Variants in TRAF3IP1 observed in about 807,000 individuals in gnomAD.
TRAF3IP1 encodes the protein intraflagellar transport 54, also known as TRAF3-interacting protein 1.
TRAF3IP1 carries 53 observed loss-of-function variants against 89.9 expected under a neutral mutation model. The ratio of observed to expected loss-of-function variants is 0.59; its 90% CI spans 0.47 to 0.74. TRAF3IP1 has a LOEUF of 0.74. TRAF3IP1 is among the 30% of genes least tolerant of loss of function. The pLI, the probability that TRAF3IP1 is intolerant of heterozygous loss-of-function variation, is 0.00. For missense variants in TRAF3IP1, 806 were observed against 866.1 expected, an observed-to-expected ratio of 0.93 and a Z score of 0.87; for synonymous variants, 311 against 322.1, an observed-to-expected ratio of 0.97 and a Z score of 0.37.
chr2:238,381,389 G>A (rs1258511205), intron 15 of TRAF3IP1, among the ~76,000 whole-genome samples: 1 of 152,218 alleles, frequency 6.6e-6, no homozygotes, highest in Non-Finnish European at 1.5e-5. Flanking sequence ...CCCTTGGAGG[G>A]GGCCATAGGC....
chr2:238,395,092 A>T (rs1050658765), intron 15 of TRAF3IP1, among the ~76,000 whole-genome samples: 3 of 152,198 alleles, frequency 2.0e-5, no homozygotes, highest in Non-Finnish European at 4.4e-5. Context: ...GTTGCAGGGC[A>T]TGATGGCTTA....
intron 5 of TRAF3IP1, 22 bp downstream of exon 5, chr2:238,329,364 C>T (rs776007945): frequency 1.1e-5 from 15 of 1,340,456 alleles, no homozygotes; most frequent in Middle Eastern, 2.0e-4. Flanking sequence ...CTGAGAACCT[C>T]GCCTTTTGCT....
Position 238,345,857 on chromosome 2 carries a change from T to C in TRAF3IP1, c.1261+1259T>C, listed in dbSNP as rs534714188. Among the ~76,000 whole-genome samples, 2 of 152,172 alleles carry C rather than the reference T, an allele frequency of 1.3e-5. No homozygotes were observed. Among genetic ancestry groups the C allele is most frequent in the East Asian group, 1.9e-4 (1 of 5,156 alleles). ...GCAGGAGCTGGCAGAGCACTGGCGC[T>C]GTGGAAGCACAGGCGTCGGGGAGGA... On this transcript the variant is annotated intron_variant, in intron 9 of 16. Transcript: ENST00000373327. This position sits in a 1 kb window ranked among gnomAD's most constrained non-coding sequence, Gnocchi z 4.7.
chr2:238,335,184 T>C (rs1028048381), intron 7 of TRAF3IP1, among the ~76,000 whole-genome samples: 4 of 152,268 alleles, frequency 2.6e-5, no homozygotes, highest in East Asian at 1.9e-4. Context: ...TAAACTGTTA[T>C]GTGCTTGAGG....
chr2:238,390,671 C>T (rs1262704166), intron 15 of TRAF3IP1, among the ~76,000 whole-genome samples: 5 of 152,194 alleles, frequency 3.3e-5, no homozygotes, highest in Admixed American at 3.3e-4. Context: ...TTAACATCTA[C>T]TTGAGGGTTT....
At chr2:238,372,238 G>A (rs1348788420) in intron 15 of TRAF3IP1, among the ~76,000 whole-genome samples, 1 of 152,026 alleles carries the variant, frequency 6.6e-6, no homozygotes, top group African/African-American at 2.4e-5. Flanking sequence ...CCATCAACTC[G>A]TCATTTACAT....
chr2:238,384,380 G>GTATGTATGTATATA (rs1553619335), intron 15 of TRAF3IP1, among the ~76,000 whole-genome samples: 1 of 143,238 alleles, frequency 7.0e-6, no homozygotes, highest in Admixed American at 7.1e-5. Flanking sequence ...ATGTATGTAT[G>GTATGTATGTATATA]TATATATATA....
At chr2:238,340,291 A>G (rs7607405) in intron 8 of TRAF3IP1, among the ~76,000 whole-genome samples, 17,742 of 152,114 alleles carry the variant, frequency 0.12, 1,756 homozygotes, top group African/African-American at 0.27. Context: ...TTCTTCATTG[A>G]GGGTGCACTG....
chr2:238,374,005 C>T (rs1700216205), intron 15 of TRAF3IP1, among the ~76,000 whole-genome samples: 1 of 152,192 alleles, frequency 6.6e-6, no homozygotes, highest in African/African-American at 2.4e-5. Flanking sequence ...GCTGAAATTG[C>T]TTAATCAGCT....
chr2:238,334,970 G>C lies in TRAF3IP1; in HGVS notation c.1063+935G>C, dbSNP rs115629058. On this transcript the variant is annotated intron_variant, in intron 7 of 16. Coordinates refer to ENST00000373327, the MANE Select transcript of TRAF3IP1 (RefSeq NM_015650.4). The stretch of plus-strand genomic sequence containing the variant: ...CGAAAAACAAAAACGTTGATGACCA[G>C]TGAAATGGTCCTTGTCATCGCGTGT... 4.9e-3 allele frequency among the ~76,000 whole-genome samples: 752 copies of C among 152,318 alleles called. 2 individuals carry two copies. The highest frequency in any genetic ancestry group is 8.4e-3 in the Non-Finnish European group (569 of 68,026).
intron 15 of TRAF3IP1, among the ~76,000 whole-genome samples, chr2:238,360,129 G>A (rs1306244807): frequency 6.6e-6 from 1 of 152,210 alleles, no homozygotes; most frequent in African/African-American, 2.4e-5. Flanking sequence ...AACTGTGCAA[G>A]ATTTGATCAC....
rs375913657 is a variant in TRAF3IP1 at position 238,326,002 on chromosome 2, C to T, written c.354+32C>T. 1.6e-5 allele frequency: 25 copies of T among 1,592,122 alleles called. No homozygotes were observed. In the African/African-American group the frequency reaches 1.9e-4, roughly 12 times the overall value. Reference sequence around the variant, plus strand: ...CTGCTGTCCTGGCATTTTGAACTTACTTAGTACTTGAGTAAAAAGTAGTCG... The same window carrying T: ...CTGCTGTCCTGGCATTTTGAACTTATTTAGTACTTGAGTAAAAAGTAGTCG... On this transcript the variant is annotated intron_variant, in intron 3 of 16. Coordinates refer to ENST00000373327, the MANE Select transcript of TRAF3IP1 (RefSeq NM_015650.4).
At position 238,345,355 on chromosome 2, in the gene TRAF3IP1, TG is replaced by T. The variant is rs1196868558; in HGVS notation, c.1261+760del. On this transcript the variant is annotated intron_variant, in intron 9 of 16. Coordinates refer to ENST00000373327, the MANE Select transcript of TRAF3IP1 (RefSeq NM_015650.4). The surrounding 1 kb of genome is among the most constrained non-coding windows in gnomAD (Gnocchi z 4.7). ...GAAATCGTTTGATGGGGTGGCAGTC[TG>T]GGACGGGAGGGGCCTTGGTTGGTGA... Among the ~76,000 whole-genome samples, 1 of 152,126 alleles carries T rather than the reference TG, an allele frequency of 6.6e-6. No individual in the cohort carries two copies. Among genetic ancestry groups the T allele is most frequent in the Non-Finnish European group, 1.5e-5 (1 of 68,018 alleles).
At chr2:238,322,859 A>G (rs957011480) in intron 1 of TRAF3IP1, among the ~76,000 whole-genome samples, 2 of 152,186 alleles carry the variant, frequency 1.3e-5, no homozygotes, top group Non-Finnish European at 2.9e-5. Flanking sequence ...TAAATAAATT[A>G]TGACCTACTT....
intron 3 of TRAF3IP1, 42 bp from the exon 4 acceptor site, chr2:238,328,644 C>G: frequency 6.3e-7 from 1 of 1,596,152 alleles, no homozygotes; most frequent in Non-Finnish European, 8.6e-7. Flanking sequence ...GTGCGGATCT[C>G]ATTTCACCTA....
chr2:238,398,723 G>A, intron 16 of TRAF3IP1, 31 bp from the exon 17 acceptor site: 3 of 1,547,530 alleles, frequency 1.9e-6, no homozygotes, highest in Non-Finnish European at 2.6e-6. Context: ...AGATGAGAGA[G>A]TGATGAGCCG....
At chr2:238,359,080 A>G (rs1699549864) in intron 15 of TRAF3IP1, among the ~76,000 whole-genome samples, 1 of 152,248 alleles carries the variant, frequency 6.6e-6, no homozygotes, top group African/African-American at 2.4e-5. Context: ...CGTACTTTAC[A>G]AAAACAAGGT....
In TRAF3IP1 at chr2:238,325,874, G is replaced by A. The variant is rs1271968543; in HGVS notation, c.258G>A (p.Glu86=). ...ACGTGGTTGTAATGGTGTCGGGAGA[G>A]CCACTGTTGGCCAAACCAGCCCGAA... The part of the protein sequence containing the change: ...AIDVVVMVSG[E]PLLAKPARIV... The change falls in exon 3 of 17, where the codon GAG becomes GAA. Residue 86 remains glutamate (E), a synonymous_variant. Transcript: ENST00000373327. 6.2e-7 allele frequency: 1 copy of A among 1,614,240 alleles called. No individual in the cohort carries two copies. The highest frequency in any genetic ancestry group is 2.2e-5 in the East Asian group (1 of 44,880).
intron 15 of TRAF3IP1, among the ~76,000 whole-genome samples, chr2:238,372,753 G>A (rs1043562331): frequency 2.0e-5 from 3 of 152,214 alleles, no homozygotes; most frequent in South Asian, 2.1e-4. Flanking sequence ...CACCAACAGT[G>A]TAAAAGCATT....
Sources: gnomAD v4.1 joint callset for allele counts (sites outside exome capture counted in the v4.1 genomes callset) on GRCh38, gnomAD v4.1.1 for gene constraint, Gnocchi (gnomAD v3.1) non-coding constraint, MANE v1.5 for transcripts, NCBI Gene and HGNC (gene_info 2026-07-23, HGNC 2026-07-21) for gene names.